The following RPH3A variants were observed in gnomAD, a reference collection of about 807,000 sequenced individuals.
RPH3A encodes the protein rabphilin 3A, also known as rabphilin-3A.
A neutral mutation model predicts 102.2 loss-of-function variants in RPH3A; 48 were observed. The ratio of observed to expected loss-of-function variants is 0.47; its 90% CI spans 0.37 to 0.60. The LOEUF is 0.60. Among genes scored for constraint, RPH3A ranks in the 20% least tolerant of loss-of-function variants. The pLI is 0.00. For missense variants in RPH3A, 781 were observed against 910.1 expected, an observed-to-expected ratio of 0.86 and a Z score of 1.83; for synonymous variants, 310 against 324.3, an observed-to-expected ratio of 0.96 and a Z score of 0.47.
intron 2 of RPH3A, among the ~76,000 whole-genome samples, chr12:112,807,369 C>T (rs985427827): frequency 1.3e-5 from 2 of 152,090 alleles, no homozygotes; most frequent in Non-Finnish European, 2.9e-5. Flanking sequence ...ACAGTAGGAC[C>T]CCTCTCTACC....
intron 1 of RPH3A, among the ~76,000 whole-genome samples, chr12:112,595,913 C>A (rs2039513020): frequency 6.6e-6 from 1 of 152,150 alleles, no homozygotes; most frequent in Non-Finnish European, 1.5e-5. Context: ...AATGACCCAG[C>A]TCCTATGCTG....
At chr12:112,720,575 G>A (rs987172484) in intron 1 of RPH3A, among the ~76,000 whole-genome samples, 5 of 152,170 alleles carry the variant, frequency 3.3e-5, no homozygotes, top group Non-Finnish European at 5.9e-5. Flanking sequence ...TCTCAGTGAC[G>A]TGCAACAAAT....
At chr12:112,734,072 G>A (rs2040652235) in intron 1 of RPH3A, among the ~76,000 whole-genome samples, 1 of 152,134 alleles carries the variant, frequency 6.6e-6, no homozygotes, top group South Asian at 2.1e-4. Flanking sequence ...GTCCAAAGGG[G>A]GAAGTCACTT....
At chr12:112,589,651 A>G (rs2039462695) in intron 1 of RPH3A, among the ~76,000 whole-genome samples, 1 of 152,198 alleles carries the variant, frequency 6.6e-6, no homozygotes, top group African/African-American at 2.4e-5. Flanking sequence ...AATCACAACA[A>G]TGAACACTTT....
chr12:112,686,931 C>T (rs1486376903), intron 1 of RPH3A, among the ~76,000 whole-genome samples: 8 of 151,792 alleles, frequency 5.3e-5, no homozygotes, highest in African/African-American at 1.2e-4. Context: ...CAGAAGTTTG[C>T]GACACCGTCT....
intron 1 of RPH3A, among the ~76,000 whole-genome samples, chr12:112,715,626 G>T (rs1376795082): frequency 6.6e-6 from 1 of 152,128 alleles, no homozygotes; most frequent in African/African-American, 2.4e-5. Context: ...CTTGGCTGTA[G>T]ATTTTTCTCT....
At chr12:112,588,461 T>G (rs1420056502) in intron 1 of RPH3A, among the ~76,000 whole-genome samples, 1 of 152,158 alleles carries the variant, frequency 6.6e-6, no homozygotes, top group East Asian at 1.9e-4. Context: ...TTCACTATCA[T>G]GAAAATAGCA....
intron 1 of RPH3A, among the ~76,000 whole-genome samples, chr12:112,708,140 A>T (rs1167938126): frequency 6.6e-6 from 1 of 152,236 alleles, no homozygotes; most frequent in Non-Finnish European, 1.5e-5. Flanking sequence ...CCTAACATCT[A>T]TAGGAACAAT....
intron 1 of RPH3A, among the ~76,000 whole-genome samples, chr12:112,737,553 C>A (rs907299670): frequency 3.9e-5 from 6 of 152,120 alleles, no homozygotes; most frequent in Non-Finnish European, 8.8e-5. Context: ...CATAGACATG[C>A]CATGACTTCC....
At chr12:112,661,935 G>C (rs2040051573) in intron 1 of RPH3A, among the ~76,000 whole-genome samples, 1 of 152,106 alleles carries the variant, frequency 6.6e-6, no homozygotes, top group Admixed American at 6.6e-5. Context: ...AGGTGCAGCT[G>C]TACACCTGAG....
chr12:112,675,177 GTT>G (rs957334987), intron 1 of RPH3A, among the ~76,000 whole-genome samples: 2 of 152,024 alleles, frequency 1.3e-5, no homozygotes, highest in Non-Finnish European at 2.9e-5. Context: ...AAAGGAAAGA[GTT>G]TTTTTTGTTG....
chr12:112,637,167 A>T (rs527553067), intron 1 of RPH3A, among the ~76,000 whole-genome samples: 6 of 152,242 alleles, frequency 3.9e-5, no homozygotes, highest in Admixed American at 3.9e-4. Context: ...CCTCCAAACC[A>T]ATATACTGTA....
intron 1 of RPH3A, among the ~76,000 whole-genome samples, chr12:112,698,882 TTCC>T (rs1361620570): frequency 2.4e-5 from 3 of 123,092 alleles, no homozygotes; most frequent in African/African-American, 9.1e-5. Flanking sequence ...CCCCTTCCCC[TTCC>T]GCTTCCCTTT....
chr12:112,806,906 C>T (rs1267010117), intron 2 of RPH3A, among the ~76,000 whole-genome samples: 1 of 151,928 alleles, frequency 6.6e-6, no homozygotes, highest in African/African-American at 2.4e-5. Context: ...GAGGGCTTCC[C>T]AGAGGAAGTG....
chr12:112,821,987 C>A (rs4767013), intron 2 of RPH3A, among the ~76,000 whole-genome samples: 3,461 of 151,114 alleles, frequency 0.023, 145 homozygotes, highest in Admixed American at 0.11. Flanking sequence ...AAAAAAAAAA[C>A]CCCTTCATGG....
chr12:112,737,729 C>A (rs2040679516), intron 1 of RPH3A, among the ~76,000 whole-genome samples: 1 of 152,114 alleles, frequency 6.6e-6, no homozygotes, highest in African/African-American at 2.4e-5. Context: ...GGTGCATAGA[C>A]CCAGGGTTAA....
chr12:112,828,338 G>A lies in RPH3A; in HGVS notation c.20G>A (p.Ser7Asn). The A allele has an allele frequency of 6.2e-7, 1 of 1,611,272 alleles. No individual in the cohort carries two copies. Among genetic ancestry groups the A allele is most frequent in the Non-Finnish European group, 8.5e-7 (1 of 1,178,716 alleles). The stretch of plus-strand genomic sequence containing the variant: ...TCTACTATGACTGACACCGTGTTCA[G>A]CAACAGTTCTAACCGTTGGATGTAC... MTDTVF[S>N]NSSNRWMYPS... The change falls in exon 3 of 22, where the codon AGC (serine) becomes AAC (asparagine). Residue 7 changes from serine to asparagine, a missense_variant. Ser to Asn is a conservative substitution (Grantham distance 46). Transcript: ENST00000389385.
chr12:112,855,382 G>A (rs1055664783), intron 5 of RPH3A, among the ~76,000 whole-genome samples: 2 of 152,252 alleles, frequency 1.3e-5, no homozygotes, highest in Non-Finnish European at 2.9e-5. Flanking sequence ...TCCTGGGTTT[G>A]TCATGACACA....
At chr12:112,704,504 TC>T (rs1490855055) in intron 1 of RPH3A, among the ~76,000 whole-genome samples, 2 of 152,122 alleles carry the variant, frequency 1.3e-5, no homozygotes, top group African/African-American at 2.4e-5. Flanking sequence ...GGTAGTGTGG[TC>T]TCTGAGTAGG....
Sources: gnomAD v4.1 joint callset for allele counts (sites outside exome capture counted in the v4.1 genomes callset) on GRCh38, gnomAD v4.1.1 for gene constraint, MANE v1.5 for transcripts, NCBI Gene and HGNC (gene_info 2026-07-23, HGNC 2026-07-21) for gene names.